The following HIVEP2 variants were observed in gnomAD, a reference collection of about 807,000 sequenced individuals.
HIVEP2 encodes the protein HIVEP zinc finger 2, also known as transcription factor HIVEP2.
A neutral mutation model predicts 180.7 loss-of-function variants in HIVEP2; 14 were observed. The observed-to-expected ratio is 0.08, with a 90% CI of 0.05 to 0.12. The LOEUF is 0.12. Ranked by LOEUF, HIVEP2 falls within the 10% of genes least tolerant of loss-of-function variation. The pLI, the probability that HIVEP2 is intolerant of heterozygous loss-of-function variation, is 1.00. For missense variants in HIVEP2, 2,579 were observed against 3,008.5 expected (o/e 0.86, Z 3.34); for synonymous variants, 1,184 against 1,136.4 (o/e 1.04, Z -0.84).
At chr6:142,797,848 G>T (rs576016575) in intron 2 of HIVEP2, among the ~76,000 whole-genome samples, 1 of 151,690 alleles carries the variant, frequency 6.6e-6, no homozygotes, top group Non-Finnish European at 1.5e-5. Flanking sequence ...TACCCTCTAT[G>T]GTTTCAGGCA....
intron 2 of HIVEP2, among the ~76,000 whole-genome samples, chr6:142,825,077 A>G (rs576790154): frequency 6.6e-6 from 1 of 152,352 alleles, no homozygotes; most frequent in East Asian, 1.9e-4. Context: ...CTAACAATTT[A>G]CATGAGCACA....
chr6:142,760,440 C>T lies in HIVEP2; in HGVS notation c.5848G>A (p.Val1950Ile). 6.2e-7 allele frequency: 1 copy of T among 1,614,196 alleles called. No individual in the cohort carries two copies. Among genetic ancestry groups the T allele is most frequent in the Non-Finnish European group, 8.5e-7 (1 of 1,180,028 alleles). ...PPRFSSLPVN[V>I]GAVPHGVPSD... ...GGAACCCCGTGGGGTACGGCGCCAA[C>T]ATTCACAGGCAAGGAGGAGAATCTA... Residue 1950 changes from valine (V) to isoleucine (I), a missense_variant, in exon 9 of 10, where the codon GTT (valine) becomes ATT (isoleucine). By Grantham distance (29) the Val-to-Ile change is conservative (BLOSUM62 3). This residue lies in a region of HIVEP2 where 660 missense variants were observed against 731.7 expected (regional missense o/e 0.90). Coordinates refer to ENST00000367603, the MANE Select transcript of HIVEP2 (RefSeq NM_006734.4).
In HIVEP2 at chr6:142,877,844, T is replaced by C. The variant is rs552462532; in HGVS notation, c.-640-40797A>G. On this transcript the variant is annotated intron_variant, in intron 1 of 9. Coordinates refer to ENST00000367603, the MANE Select transcript of HIVEP2 (RefSeq NM_006734.4). ...TACAATGAGGATTATAACATGGGCT[T>C]GTAAAAGGTATTTCAACTATTCTTT... Among the ~76,000 whole-genome samples, 8 of 152,326 alleles carry C rather than the reference T, an allele frequency of 5.3e-5. No homozygotes were observed. In the South Asian group the frequency reaches 1.4e-3, roughly 28 times the overall value.
rs201910666 is a variant in HIVEP2, at chr6:142,753,343, T to C, written c.7105A>G (p.Ile2369Val). ...QNPLGSAHVS[I>V]RHFSRPEPGQ... ...GGCTCAGGTCTACTAAAGTGTCTAA[T>C]GCTAACATGTGCACTTCCCAGGGGG... Residue 2369 changes from isoleucine to valine, a missense_variant, in exon 10 of 10, where the codon ATT becomes GTT. Coordinates refer to ENST00000367603, the MANE Select transcript of HIVEP2 (RefSeq NM_006734.4). 1.2e-5 allele frequency: 20 copies of C among 1,614,048 alleles called. No individual in the cohort carries two copies. The Admixed American group carries it at 2.5e-4, about 20-fold the overall frequency.
intron 1 of HIVEP2, among the ~76,000 whole-genome samples, chr6:142,930,268 G>C (rs886434593): frequency 1.3e-5 from 2 of 152,162 alleles, no homozygotes; most frequent in Non-Finnish European, 2.9e-5. Flanking sequence ...AGTGAATCAT[G>C]CACACATACT....
intron 1 of HIVEP2, among the ~76,000 whole-genome samples, chr6:142,914,377 A>G (rs1050627724): frequency 1.3e-5 from 2 of 152,206 alleles, no homozygotes; most frequent in Non-Finnish European, 2.9e-5. Context: ...AGTCTATGAA[A>G]TTTGGAGCCT....
intron 2 of HIVEP2, among the ~76,000 whole-genome samples, chr6:142,818,733 A>AAAGAAAGAAAGAAAG (rs1462347393): frequency 2.4e-5 from 1 of 41,764 alleles, no homozygotes; most frequent in Non-Finnish European, 4.4e-5. Flanking sequence ...AGAAAGAAAG[A>AAAGAAAGAAAGAAAG]AAAGAAAGAA....
intron 2 of HIVEP2, among the ~76,000 whole-genome samples, chr6:142,835,855 G>A (rs561035377): frequency 4.1e-4 from 63 of 152,226 alleles, no homozygotes; most frequent in African/African-American, 1.4e-3. Flanking sequence ...CAAAGCTTAG[G>A]GCAGTTGTTG....
intron 2 of HIVEP2, among the ~76,000 whole-genome samples, chr6:142,814,937 A>G (rs955661711): frequency 5.9e-5 from 9 of 152,144 alleles, no homozygotes; most frequent in Non-Finnish European, 1.0e-4. Context: ...ATTTATAACA[A>G]GCAGAAATTT....
chr6:142,780,557 T>G (rs1400727967), intron 3 of HIVEP2, among the ~76,000 whole-genome samples: 1 of 152,216 alleles, frequency 6.6e-6, no homozygotes, highest in Non-Finnish European at 1.5e-5. Context: ...AAGTGAGCGA[T>G]GGCTTCTTTT....
intron 1 of HIVEP2, among the ~76,000 whole-genome samples, chr6:142,854,633 G>T (rs755781651): frequency 1.3e-5 from 2 of 152,116 alleles, no homozygotes; most frequent in African/African-American, 4.8e-5. Context: ...GAAAGGGCAC[G>T]GGATGAACTT....
chr6:142,785,891 C>T (rs1237380810), intron 2 of HIVEP2, among the ~76,000 whole-genome samples: 1 of 152,092 alleles, frequency 6.6e-6, no homozygotes, highest in East Asian at 1.9e-4. Context: ...CTTATCCTTA[C>T]CTTAAAGAAA....
chr6:142,860,094 T>C (rs1206028637), intron 1 of HIVEP2, among the ~76,000 whole-genome samples: 3 of 151,908 alleles, frequency 2.0e-5, no homozygotes, highest in Non-Finnish European at 2.9e-5. Flanking sequence ...AAGATCTCTA[T>C]CCCCTCGGAC....
intron 1 of HIVEP2, among the ~76,000 whole-genome samples, chr6:142,874,349 C>T (rs892298161): frequency 4.1e-4 from 62 of 152,008 alleles, no homozygotes; most frequent in African/African-American, 1.4e-3. Context: ...TTTTCTCCAG[C>T]TCAGGCTTAA....
chr6:142,813,607 C>T (rs1226024533), intron 2 of HIVEP2, among the ~76,000 whole-genome samples: 2 of 142,274 alleles, frequency 1.4e-5, no homozygotes, highest in Admixed American at 1.4e-4. Flanking sequence ...CATGATCTTG[C>T]TCTGTCACCC....
At chr6:142,765,757 A>T (rs1486331231) in intron 6 of HIVEP2, among the ~76,000 whole-genome samples, 1 of 152,220 alleles carries the variant, frequency 6.6e-6, no homozygotes, top group Non-Finnish European at 1.5e-5. Flanking sequence ...CGGCTAGAAA[A>T]ACAGTCTTAG....
chr6:142,834,307 T>C lies in HIVEP2; in HGVS notation c.-528+2628A>G, dbSNP rs186753006. ...AATTTCCACAGAACACAGAATTATG[T>C]ATTTTGGACTTCCTAATTTAAAGTA... On this transcript the variant is annotated intron_variant, in intron 2 of 9. Transcript: ENST00000367603. Among the ~76,000 whole-genome samples the C allele has an allele frequency of 3.2e-3, 486 of 149,962 alleles. 4 individuals carry two copies. The highest frequency in any genetic ancestry group is 8.5e-3 in the South Asian group (41 of 4,824).
At chr6:142,793,831 A>C (rs1013853211) in intron 2 of HIVEP2, 1 of 151,698 alleles carries the variant, frequency 6.6e-6, no homozygotes, top group African/African-American at 2.4e-5. Context: ...CATATCTGGC[A>C]AATTTTTGCA....
chr6:142,770,734 A>C lies in HIVEP2; in HGVS notation c.4005T>G (p.Pro1335=). The C allele has an allele frequency of 6.2e-7, 1 of 1,614,240 alleles. No individual in the cohort carries two copies. Among genetic ancestry groups the C allele is most frequent in the East Asian group, 2.2e-5 (1 of 44,890 alleles). The change falls in exon 5 of 10, where the codon CCT becomes CCG. Residue 1335 remains proline, a synonymous_variant. Transcript: ENST00000367603. This position sits in a 1 kb window ranked among gnomAD's most constrained non-coding sequence, Gnocchi z 4.7. ...SLQSLPGTVV[P]VRIQTHVPSY... ...ATGGTACGTGCGTCTGGATCCGAAC[A>C]GGAACCACTGTTCCTGGGAGGGACT...
Sources: allele counts gnomAD v4.1 joint callset (sites outside exome capture counted in the v4.1 genomes callset), GRCh38; gene constraint gnomAD v4.1.1; regional missense constraint gnomAD v4.1.1; non-coding constraint Gnocchi (gnomAD v3.1); transcripts MANE v1.5; gene names NCBI Gene and HGNC (gene_info 2026-07-23, HGNC 2026-07-21).